Variants in CFAP74 observed in about 807,000 individuals in gnomAD.
CFAP74 encodes the protein cilia and flagella associated protein 74.
A neutral mutation model predicts 188.9 loss-of-function variants in CFAP74; 124 were observed. The observed-to-expected ratio is 0.66, with a 90% CI of 0.57 to 0.76. CFAP74 has a LOEUF of 0.76. Ranked by LOEUF, CFAP74 falls within the 30% of genes least tolerant of loss-of-function variation. The pLI is 0.00. For synonymous variants in CFAP74, 956 were observed against 916.7 expected (o/e 1.04, Z -0.77); for missense variants, 2,198 against 2,165.2 (o/e 1.02, Z -0.30).
At chr1:1,936,592 A>T (rs1467375121) in intron 25 of CFAP74, among the ~76,000 whole-genome samples, 1 of 151,958 alleles carries the variant, frequency 6.6e-6, no homozygotes, top group East Asian at 1.9e-4. Flanking sequence ...AGCTCTCTGA[A>T]CTGGGCTCCC....
intron 25 of CFAP74, among the ~76,000 whole-genome samples, chr1:1,936,405 G>A (rs1303781868): frequency 2.0e-5 from 3 of 151,406 alleles, no homozygotes; most frequent in Admixed American, 6.6e-5. Context: ...TTAGCTGGGC[G>A]TGGTGGTGCA....
At position 1,925,775 on chromosome 1, in the gene CFAP74, T is replaced by G. The variant is rs1230927503; in HGVS notation, c.4104+8A>C. The G allele has an allele frequency of 6.2e-7, 1 of 1,608,538 alleles. No homozygotes were observed. On this transcript the variant is annotated splice_region_variant and intron_variant, in intron 33 of 38. Transcript: ENST00000682832. Reference sequence around the variant, plus strand: ...TGGAGCCAGCACCAGGGCCCACGTGTGCTTCACCTTGAAGCCTGAGGACAC... The same window carrying G: ...TGGAGCCAGCACCAGGGCCCACGTGGGCTTCACCTTGAAGCCTGAGGACAC...
chr1:1,941,016 G>C (rs2102046153), intron 22 of CFAP74, among the ~76,000 whole-genome samples: 1 of 152,302 alleles, frequency 6.6e-6, no homozygotes, highest in African/African-American at 2.4e-5. Flanking sequence ...GGGAGGCTGA[G>C]GCAGGAGAAT....
At chr1:1,978,313 C>T (rs1242772331) in intron 6 of CFAP74, among the ~76,000 whole-genome samples, 3 of 151,658 alleles carry the variant, frequency 2.0e-5, no homozygotes, top group Non-Finnish European at 2.9e-5. Flanking sequence ...TGCCTTGGGG[C>T]GATGCTGGAC....
intron 1 of CFAP74, among the ~76,000 whole-genome samples, chr1:1,999,228 C>G (rs1470898293): frequency 6.6e-6 from 1 of 152,168 alleles, no homozygotes; most frequent in Non-Finnish European, 1.5e-5. Flanking sequence ...ACCAATGGAA[C>G]AGATCAGAGA....
At chr1:1,950,459 C>A (rs1401635468) in intron 18 of CFAP74, among the ~76,000 whole-genome samples, 8 of 151,976 alleles carry the variant, frequency 5.3e-5, no homozygotes, top group Non-Finnish European at 8.8e-5. Context: ...CCTGCCTCAG[C>A]CTCCCGAGTA....
chr1:1,991,882 CAG>C (rs1466674319), intron 1 of CFAP74, among the ~76,000 whole-genome samples: 29 of 151,362 alleles, frequency 1.9e-4, no homozygotes, highest in South Asian at 4.2e-4. Flanking sequence ...TACTAAAAAA[CAG>C]AAAAAATTAG....
chr1:1,965,139 G>C, intron 12 of CFAP74, 78 bp from the exon 13 acceptor site: 1 of 1,427,100 alleles, frequency 7.0e-7, no homozygotes, highest in Non-Finnish European at 9.5e-7. Flanking sequence ...GGAGGCGAGG[G>C]TAGCGGTTAG....
intron 18 of CFAP74, among the ~76,000 whole-genome samples, chr1:1,949,534 G>A (rs1044587610): frequency 7.9e-6 from 1 of 127,196 alleles, no homozygotes; most frequent in Admixed American, 8.5e-5. Flanking sequence ...GTTGCATATA[G>A]TAAAATGGAC....
intron 5 of CFAP74, among the ~76,000 whole-genome samples, chr1:1,986,170 G>A (rs945504578): frequency 6.6e-6 from 1 of 152,164 alleles, no homozygotes; most frequent in Non-Finnish European, 1.5e-5. Context: ...GGATCACAAG[G>A]TCAGGAGTTC....
chr1:1,996,800 C>CA (rs1557427430), intron 1 of CFAP74, among the ~76,000 whole-genome samples: 1 of 151,096 alleles, frequency 6.6e-6, no homozygotes, highest in Non-Finnish European at 1.5e-5. Context: ...AGGCACCTGT[C>CA]ATCCCAGCTA....
intron 18 of CFAP74, among the ~76,000 whole-genome samples, chr1:1,947,619 C>T (rs751535982): frequency 6.6e-6 from 1 of 152,196 alleles, no homozygotes; most frequent in African/African-American, 2.4e-5. Flanking sequence ...GACTTTGCAC[C>T]TGAACAGAGG....
rs1443340588 is a variant in CFAP74, at chr1:1,973,060, G to T, written c.675-13C>A. The T allele has an allele frequency of 6.3e-7, 1 of 1,594,058 alleles. No homozygotes were observed. Among genetic ancestry groups the T allele is most frequent in the Non-Finnish European group, 8.6e-7 (1 of 1,163,346 alleles). On this transcript the variant is annotated splice_polypyrimidine_tract_variant and intron_variant, in intron 7 of 38. Coordinates refer to ENST00000682832, the MANE Select transcript of CFAP74 (RefSeq NM_001304360.2). The surrounding 1 kb of genome is among the most constrained non-coding windows in gnomAD (Gnocchi z 6.2). Reference sequence around the variant, plus strand: ...GTTCAGGGACTTCCTGTGGGGATATGGGGCCGTCAGAGGGAAACTCGGCAT... The same window carrying T: ...GTTCAGGGACTTCCTGTGGGGATATTGGGCCGTCAGAGGGAAACTCGGCAT...
Position 1,930,056 on chromosome 1 carries a change from C to A in CFAP74, c.3288+4G>T. On this transcript the variant is annotated splice_donor_region_variant and intron_variant, in intron 26 of 38. Transcript: ENST00000682832. ...CCCAGCCTGCATGTGGGGCCCACAC[C>A]CACCTTTCCTGGCCACACGGTCCCC... The A allele has an allele frequency of 6.6e-7, 1 of 1,508,908 alleles. No individual in the cohort carries two copies. The highest frequency in any genetic ancestry group is 8.9e-7 in the Non-Finnish European group (1 of 1,128,328). 93.5% of individuals were successfully genotyped at this position (1,508,908 alleles called of 1,614,324 possible).
chr1:1,961,142 G>A (rs531343259), intron 14 of CFAP74, among the ~76,000 whole-genome samples: 9 of 152,232 alleles, frequency 5.9e-5, no homozygotes, highest in East Asian at 5.8e-4. Context: ...CACCCAATGC[G>A]AAAAAGAGAC....
At chr1:1,958,570 C>G (rs1654836943) in intron 16 of CFAP74, among the ~76,000 whole-genome samples, 3 of 152,202 alleles carry the variant, frequency 2.0e-5, no homozygotes, top group Admixed American at 1.3e-4. Flanking sequence ...TCCTGGTTTA[C>G]TGGAGATGCA....
Position 1,955,821 on chromosome 1 carries a change from G to C in CFAP74, c.2046C>G (p.Ser682Arg), listed in dbSNP as rs1654578270. The change falls in exon 18 of 39, where the codon AGC becomes AGG. Residue 682 changes from serine to arginine, a missense_variant. Coordinates refer to ENST00000682832, the MANE Select transcript of CFAP74 (RefSeq NM_001304360.2). ...AGCTGGTGGCGGCTTTGTCATACAA[G>C]CTTTTATCTTCGTAGGTCAGGAGAC... is the stretch of plus-strand genomic sequence containing the variant. ...LSSLLTYEDK[S>R]LYDKAATSFS... 6.2e-7 allele frequency: 1 copy of C among 1,613,934 alleles called. No individual in the cohort carries two copies. Among genetic ancestry groups the C allele is most frequent in the Non-Finnish European group, 8.5e-7 (1 of 1,180,026 alleles).
chr1:1,950,673 T>C (rs959687076), intron 18 of CFAP74, among the ~76,000 whole-genome samples: 2 of 152,220 alleles, frequency 1.3e-5, no homozygotes, highest in African/African-American at 2.4e-5. Context: ...TATTTTCCAA[T>C]TGAGATTTGA....
At position 1,934,407 on chromosome 1, in the gene CFAP74, CACGTGTGT is replaced by C. The variant is rs1369685028; in HGVS notation, c.3012-4079_3012-4072del. 8.3e-5 allele frequency among the ~76,000 whole-genome samples: 11 copies of C among 131,810 alleles called. 3 individuals carry two copies. Among genetic ancestry groups the C allele is most frequent in the South Asian group, 5.0e-4 (2 of 4,018 alleles). The allele number at this position is 131,810 out of a possible 152,430, so 86.5% of individuals were successfully genotyped here. On this transcript the variant is annotated intron_variant, in intron 25 of 38. Coordinates refer to ENST00000682832, the MANE Select transcript of CFAP74 (RefSeq NM_001304360.2). The stretch of plus-strand genomic sequence containing the variant: ...ACGTGTGTGTTAGGTTGTAGGTACA[CACGTGTGT>C]ACATGTGTGTTGTAGGTACACATGT...
Sources: allele counts gnomAD v4.1 joint callset (sites outside exome capture counted in the v4.1 genomes callset), GRCh38; gene constraint gnomAD v4.1.1; non-coding constraint Gnocchi (gnomAD v3.1); transcripts MANE v1.5; gene names NCBI Gene and HGNC (gene_info 2026-07-23, HGNC 2026-07-21).